The following SCAMP5 variants were observed in gnomAD, a reference collection of about 807,000 sequenced individuals.
The protein encoded by SCAMP5 is secretory carrier-associated membrane protein 5.
In SCAMP5, 7 loss-of-function variants were observed where a neutral mutation model predicts 28.3. The ratio of observed to expected loss-of-function variants is 0.25; its 90% CI spans 0.14 to 0.46. SCAMP5 has a LOEUF of 0.46. SCAMP5 is among the 20% of genes least tolerant of loss of function. The pLI, the probability that SCAMP5 is intolerant of heterozygous loss-of-function variation, is 0.99. For missense variants in SCAMP5, 192 were observed against 312.5 expected (o/e 0.61, Z 2.91); for synonymous variants, 117 against 116.4 (o/e 1.00, Z -0.03).
At chr15:75,008,840 A>C (rs1036923135) in intron 1 of SCAMP5, among the ~76,000 whole-genome samples, 1 of 152,096 alleles carries the variant, frequency 6.6e-6, no homozygotes, top group Non-Finnish European at 1.5e-5. Flanking sequence ...TGTATGATGC[A>C]CCTCGTATAT....
At chr15:75,017,150 T>A (rs570299053) in intron 4 of SCAMP5, among the ~76,000 whole-genome samples, 2 of 152,214 alleles carry the variant, frequency 1.3e-5, no homozygotes, top group Non-Finnish European at 2.9e-5. Flanking sequence ...CATGTGCCAA[T>A]GGGACCAGCC....
chr15:75,013,041 C>T (rs1238290736), intron 3 of SCAMP5: 1 of 543,032 alleles, frequency 1.8e-6, no homozygotes, highest in Middle Eastern at 4.8e-4. Context: ...CTCTTCCCTT[C>T]CTTCCCCTCC....
In SCAMP5 at chr15:75,007,209, G is replaced by C. The variant is rs181767838; in HGVS notation, c.-48-4583G>C. ...TCCGCTTTGAATCCAACACCACAAG[G>C]CTCTTTCTTACCTTTCCGCGGTCTG... On this transcript the variant is annotated intron_variant, in intron 1 of 6. Coordinates refer to ENST00000425597, the MANE Select transcript of SCAMP5 (RefSeq NM_138967.4). Among the ~76,000 whole-genome samples, 11 of 152,216 alleles carry C rather than the reference G, an allele frequency of 7.2e-5. No homozygotes were observed. In the East Asian group the frequency reaches 1.9e-3, roughly 27 times the overall value.
intron 3 of SCAMP5, among the ~76,000 whole-genome samples, chr15:75,015,461 G>A (rs3751649): frequency 2.6e-5 from 4 of 151,866 alleles, no homozygotes; most frequent in African/African-American, 9.7e-5. Context: ...GAGGGGGGGG[G>A]GCCTGGGTCC....
rs1009348608 is a variant in SCAMP5, at chr15:74,995,578, C to A, written c.-144C>A. The A allele has an allele frequency of 1.4e-5, 2 of 147,196 alleles. No homozygotes were observed. The highest frequency in any genetic ancestry group is 6.7e-5 in the Admixed American group (1 of 14,906). The allele number at this position is 147,196 out of a possible 1,614,324, so 9.1% of individuals were successfully genotyped here. A position where few individuals can be genotyped will look rare whatever the true frequency, so the allele number is the denominator to read the frequency against. ...CGCGCGCGCTCCCCGCCCCCAGCCCCGGAGCGGCTCGCGGCCGGCTCCGCG... is the reference window on the plus strand; with the variant it reads ...CGCGCGCGCTCCCCGCCCCCAGCCCAGGAGCGGCTCGCGGCCGGCTCCGCG... On this transcript the variant is annotated 5_prime_UTR_variant, in exon 1 of 7. Coordinates refer to ENST00000425597, the MANE Select transcript of SCAMP5 (RefSeq NM_138967.4).
chr15:75,011,701 T>G, intron 1 of SCAMP5, 91 bp from the exon 2 acceptor site: 2 of 625,036 alleles, frequency 3.2e-6, no homozygotes, highest in Non-Finnish European at 2.9e-6. Flanking sequence ...GGTCCTGTCC[T>G]GGGGAGCTTG....
intron 1 of SCAMP5, among the ~76,000 whole-genome samples, chr15:75,002,495 G>A (rs1028217563): frequency 6.6e-6 from 1 of 151,902 alleles, no homozygotes; most frequent in Admixed American, 6.6e-5. Context: ...TGTCAGCCAG[G>A]CTTCTTTATC....
In SCAMP5 at chr15:75,016,706, T is replaced by C; in HGVS notation, c.250T>C (p.Cys84Arg). ...AFLWLILFTP[C>R]SYVCWFRPIY... is the part of the protein sequence containing the mutation. ...TCTCTGGCTCATCCTCTTCACACCC[T>C]GCTCCTACGTCTGCTGGTTTCGGCC... Residue 84 changes from cysteine (C) to arginine (R), a missense_variant, in exon 4 of 7, where the codon TGC (cysteine) becomes CGC (arginine). By Grantham distance (180) the Cys-to-Arg change is radical. Coordinates refer to ENST00000425597, the MANE Select transcript of SCAMP5 (RefSeq NM_138967.4). 6.2e-7 allele frequency: 1 copy of C among 1,613,980 alleles called. No homozygotes were observed. Among genetic ancestry groups the C allele is most frequent in the Non-Finnish European group, 8.5e-7 (1 of 1,179,886 alleles).
chr15:74,997,273 C>T (rs1435674589), intron 1 of SCAMP5: 2 of 152,204 alleles, frequency 1.3e-5, no homozygotes, highest in Admixed American at 6.6e-5. Flanking sequence ...CTGCTGCCAG[C>T]CAGGAGTTTC....
intron 4 of SCAMP5, 124 bp downstream of exon 4, chr15:75,016,873 T>C: frequency 1.1e-6 from 1 of 938,532 alleles, no homozygotes; most frequent in Non-Finnish European, 1.6e-6. Context: ...TTTCCCTTGC[T>C]CACCTTTGGC....
intron 3 of SCAMP5, among the ~76,000 whole-genome samples, chr15:75,014,808 G>A (rs1160404265): frequency 6.6e-6 from 1 of 152,182 alleles, no homozygotes; most frequent in African/African-American, 2.4e-5. Flanking sequence ...TTGAGCAAGG[G>A]AGCTGGGGCA....
At position 74,996,226 on chromosome 15, in the gene SCAMP5, G is replaced by C. The variant is rs1401504655; in HGVS notation, c.-49+553G>C. ...GCGAGGCGACGGGCGCGCTGGCCCA[G>C]GCCACCAGGCGGGCTCCATCAGGGC... On this transcript the variant is annotated intron_variant, in intron 1 of 6. Coordinates refer to ENST00000425597, the MANE Select transcript of SCAMP5 (RefSeq NM_138967.4). This position sits in a 1 kb window ranked among gnomAD's most constrained non-coding sequence, Gnocchi z 4.1. The C allele has an allele frequency of 1.3e-5, 2 of 152,536 alleles. No homozygotes were observed. Among genetic ancestry groups the C allele is most frequent in the East Asian group, 3.8e-4 (2 of 5,214 alleles). 9.4% of individuals were successfully genotyped at this position (152,536 alleles called of 1,614,324 possible). A position where few individuals can be genotyped will look rare whatever the true frequency, so the allele number is the denominator to read the frequency against.
chr15:75,008,202 T>C (rs953378345), intron 1 of SCAMP5, among the ~76,000 whole-genome samples: 1 of 152,104 alleles, frequency 6.6e-6, no homozygotes, highest in Non-Finnish European at 1.5e-5. Flanking sequence ...TTTTGAAATA[T>C]GGAAGTCATT....
chr15:75,003,447 A>G (rs2065727980), intron 1 of SCAMP5, among the ~76,000 whole-genome samples: 1 of 152,170 alleles, frequency 6.6e-6, no homozygotes, highest in Non-Finnish European at 1.5e-5. Context: ...ATATTGTCAA[A>G]TACAGATATG....
chr15:75,006,944 G>GA (rs1057379741), intron 1 of SCAMP5, among the ~76,000 whole-genome samples: 2 of 151,754 alleles, frequency 1.3e-5, no homozygotes, highest in Non-Finnish European at 2.9e-5. Flanking sequence ...TCTGTCTCAA[G>GA]AAAAAAAAGA....
In SCAMP5 at chr15:75,018,699, GT is replaced by G. The variant is rs1196588186; in HGVS notation, c.514-80del. The G allele has an allele frequency of 2.2e-3, 2,028 of 902,540 alleles. 1 individual carries two copies. The highest frequency in any genetic ancestry group is 2.8e-3 in the Non-Finnish European group (1,667 of 601,102). The allele number at this position is 902,540 out of a possible 1,614,324, so 55.9% of individuals were successfully genotyped here. ...GAGGCATTCATGGGGAGGGAGCACTGTTTTTTTTTTACAGATGGGTCCCATC... is the reference window on the plus strand; with the variant it reads ...GAGGCATTCATGGGGAGGGAGCACTGTTTTTTTTTACAGATGGGTCCCATC... On this transcript the variant is annotated intron_variant, in intron 6 of 6. Coordinates refer to ENST00000425597, the MANE Select transcript of SCAMP5 (RefSeq NM_138967.4). The surrounding 1 kb of genome is among the most constrained non-coding windows in gnomAD (Gnocchi z 5.6).
Position 75,018,711 on chromosome 15 carries a change from C to T in SCAMP5, c.514-78C>T, listed in dbSNP as rs1313178193. 7.1e-6 allele frequency: 8 copies of T among 1,126,706 alleles called. No homozygotes were observed. The Admixed American group carries it at 8.2e-5, about 12-fold the overall frequency. The allele number at this position is 1,126,706 out of a possible 1,614,324, so 69.8% of individuals were successfully genotyped here. On this transcript the variant is annotated intron_variant, in intron 6 of 6. Coordinates refer to ENST00000425597, the MANE Select transcript of SCAMP5 (RefSeq NM_138967.4). The surrounding 1 kb of genome is among the most constrained non-coding windows in gnomAD (Gnocchi z 5.6). Reference sequence around the variant, plus strand: ...GGGAGGGAGCACTGTTTTTTTTTTACAGATGGGTCCCATCTATTTCCTGGA... The same window carrying T: ...GGGAGGGAGCACTGTTTTTTTTTTATAGATGGGTCCCATCTATTTCCTGGA...
chr15:75,012,948 C>T, intron 3 of SCAMP5, 143 bp downstream of exon 3: 1 of 764,908 alleles, frequency 1.3e-6, no homozygotes, highest in East Asian at 2.7e-5. Context: ...TAAGTCTTCC[C>T]CTGCCAGGCT....
At chr15:75,012,512 G>T (rs1455511445) in intron 2 of SCAMP5, among the ~76,000 whole-genome samples, 165 bp from the exon 3 acceptor site, 2 of 152,244 alleles carry the variant, frequency 1.3e-5, no homozygotes, top group Non-Finnish European at 2.9e-5. Flanking sequence ...GCTACTTTGG[G>T]ATCATCACAG....
Sources: allele counts gnomAD v4.1 joint callset (sites outside exome capture counted in the v4.1 genomes callset), GRCh38; gene constraint gnomAD v4.1.1; non-coding constraint Gnocchi (gnomAD v3.1); transcripts MANE v1.5; gene names NCBI Gene and HGNC (gene_info 2026-07-23, HGNC 2026-07-21).